Variants in GRIK3 observed in about 807,000 individuals in gnomAD.
GRIK3 encodes the protein glutamate ionotropic receptor kainate type subunit 3, also known as glutamate receptor ionotropic, kainate 3.
GRIK3 carries 29 observed loss-of-function variants against 102.5 expected under a neutral mutation model. The observed-to-expected ratio is 0.28, with a 90% CI of 0.21 to 0.39. The LOEUF (loss-of-function observed/expected upper bound fraction) is 0.39. GRIK3 is among the 10% of genes least tolerant of loss of function. GRIK3 has a pLI of 1.00. For missense variants in GRIK3, 908 were observed against 1,252.4 expected (o/e 0.73, Z 4.15); for synonymous variants, 511 against 504.9 (o/e 1.01, Z -0.16).
intron 10 of GRIK3, among the ~76,000 whole-genome samples, chr1:36,834,059 C>T (rs959923772): frequency 3.9e-5 from 6 of 152,262 alleles, no homozygotes; most frequent in African/African-American, 1.4e-4. Context: ...CAGCCCAGAA[C>T]ACTTGCTCTC....
rs1243982772 is a variant in GRIK3 at position 36,825,714 on chromosome 1, T to C, written c.1643A>G (p.Asn548Ser). ...GGAGAAGACGCTGGGGTTGGTGCCA[T>C]TGGGCTTTCGATACAGGATGCTCAC... The part of the protein sequence containing the change: ...LGVSILYRKP[N>S]GTNPSVFSFL... The change falls in exon 11 of 16, where the codon AAT (asparagine) becomes AGT (serine). Residue 548 changes from asparagine (N) to serine (S), a missense_variant. Asn to Ser is a conservative substitution (Grantham distance 46, BLOSUM62 1). Coordinates refer to ENST00000373091, the MANE Select transcript of GRIK3 (RefSeq NM_000831.4). 2 of 1,613,890 alleles carry C rather than the reference T, an allele frequency of 1.2e-6. No individual in the cohort carries two copies. Among genetic ancestry groups the C allele is most frequent in the Non-Finnish European group, 1.7e-6 (2 of 1,179,902 alleles).
intron 1 of GRIK3, among the ~76,000 whole-genome samples, chr1:36,911,416 G>A (rs1055105723): frequency 6.6e-6 from 1 of 152,162 alleles, no homozygotes; most frequent in African/African-American, 2.4e-5. Flanking sequence ...AGGCTTAAAT[G>A]GCATAAATCA....
intron 6 of GRIK3, 142 bp from the exon 7 acceptor site, chr1:36,859,393 CTG>C (rs936963632): frequency 1.2e-6 from 1 of 858,104 alleles, no homozygotes; most frequent in African/African-American, 1.7e-5. Context: ...GGAGGTGACT[CTG>C]TCTACGCCTC....
At chr1:36,950,896 C>T (rs532350772) in intron 1 of GRIK3, among the ~76,000 whole-genome samples, 14 of 152,232 alleles carry the variant, frequency 9.2e-5, no homozygotes, top group South Asian at 2.1e-4. Context: ...GTTACAGCAA[C>T]GGGGAGCGGA....
intron 8 of GRIK3, 71 bp downstream of exon 8, chr1:36,853,544 T>C: frequency 1.0e-6 from 1 of 1,001,868 alleles, no homozygotes; most frequent in Non-Finnish European, 1.6e-6. Flanking sequence ...GGCCTCTGAC[T>C]GAGGTCTGCC....
intron 1 of GRIK3, among the ~76,000 whole-genome samples, chr1:36,923,411 G>C (rs534746615): frequency 1.3e-5 from 2 of 152,194 alleles, no homozygotes; most frequent in Non-Finnish European, 2.9e-5. Flanking sequence ...GCATCCCCAG[G>C]TCTGACTGGA....
At chr1:37,020,123 C>T (rs1351954671) in intron 1 of GRIK3, among the ~76,000 whole-genome samples, 6 of 152,150 alleles carry the variant, frequency 3.9e-5, no homozygotes, top group Non-Finnish European at 8.8e-5. Flanking sequence ...CTCTCCATAC[C>T]CCAGTGATGG....
Position 36,956,830 on chromosome 1 carries a change from T to G in GRIK3, c.116-65734A>C, listed in dbSNP as rs544882422. ...CTCTACTCTGGCATATTTTGAAAAT[T>G]TGAAAATTTTTCTGAAATAAAACAT... On this transcript the variant is annotated intron_variant, in intron 1 of 15. Coordinates refer to ENST00000373091, the MANE Select transcript of GRIK3 (RefSeq NM_000831.4). 5.2e-5 allele frequency among the ~76,000 whole-genome samples: 8 copies of G among 152,394 alleles called. No homozygotes were observed. In the South Asian group the frequency reaches 1.7e-3, roughly 32 times the overall value.
At chr1:36,958,256 C>G (rs1386594427) in intron 1 of GRIK3, among the ~76,000 whole-genome samples, 8 of 75,208 alleles carry the variant, frequency 1.1e-4, no homozygotes, top group South Asian at 5.5e-4. Flanking sequence ...TGTCCCATGA[C>G]TCTGTGCCCC....
chr1:37,028,581 C>T (rs1642788678), intron 1 of GRIK3, among the ~76,000 whole-genome samples: 1 of 152,180 alleles, frequency 6.6e-6, no homozygotes, highest in Admixed American at 6.5e-5. Flanking sequence ...AGATGGCCAT[C>T]CTCCCAGAGG....
Position 36,859,089 on chromosome 1 carries a change from G to T in GRIK3, c.1104+19C>A. ...CAGTCCCGGGGAGACAACACTGGTGGGGGCTGTGGGGCACTCACCTCCTTG... is the reference window on the plus strand; with the variant it reads ...CAGTCCCGGGGAGACAACACTGGTGTGGGCTGTGGGGCACTCACCTCCTTG... On this transcript the variant is annotated intron_variant, in intron 7 of 15. Coordinates refer to ENST00000373091, the MANE Select transcript of GRIK3 (RefSeq NM_000831.4). 1 of 1,585,836 alleles carries T rather than the reference G, an allele frequency of 6.3e-7. No individual in the cohort carries two copies. The highest frequency in any genetic ancestry group is 1.1e-5 in the South Asian group (1 of 88,134).
chr1:36,955,809 G>A (rs1641899175), intron 1 of GRIK3, among the ~76,000 whole-genome samples: 1 of 152,280 alleles, frequency 6.6e-6, no homozygotes, highest in Admixed American at 6.5e-5. Flanking sequence ...CATCCAGAGT[G>A]TCTGTGGCCT....
intron 10 of GRIK3, among the ~76,000 whole-genome samples, chr1:36,841,346 T>C (rs75894820): frequency 0.012 from 1,795 of 152,264 alleles, 15 homozygotes; most frequent in Admixed American, 0.02. Context: ...AAGAATTTGG[T>C]GAAGTGTCTC....
intron 1 of GRIK3, among the ~76,000 whole-genome samples, chr1:36,992,042 A>G (rs1415731569): frequency 6.6e-6 from 1 of 152,128 alleles, no homozygotes; most frequent in African/African-American, 2.4e-5. Context: ...TTCCCAGGAG[A>G]AAGCCCGACT....
At chr1:36,967,981 A>T (rs1449409665) in intron 1 of GRIK3, among the ~76,000 whole-genome samples, 1 of 152,194 alleles carries the variant, frequency 6.6e-6, no homozygotes, top group Non-Finnish European at 1.5e-5. Context: ...GCCCAGATTC[A>T]GTGCCAGGTC....
At chr1:36,931,446 G>C (rs975630919) in intron 1 of GRIK3, among the ~76,000 whole-genome samples, 1 of 152,134 alleles carries the variant, frequency 6.6e-6, no homozygotes, top group Non-Finnish European at 1.5e-5. Context: ...TGTGAATCCT[G>C]TTTGTTTCCC....
chr1:36,898,981 G>A (rs1305469146), intron 1 of GRIK3, among the ~76,000 whole-genome samples: 1 of 152,126 alleles, frequency 6.6e-6, no homozygotes, highest in Non-Finnish European at 1.5e-5. Flanking sequence ...ATGTCCACAT[G>A]TAAAAGAATG....
At chr1:36,852,290 T>C (rs937890364) in intron 8 of GRIK3, among the ~76,000 whole-genome samples, 2 of 152,176 alleles carry the variant, frequency 1.3e-5, no homozygotes, top group African/African-American at 4.8e-5. Context: ...CTGGAATAAC[T>C]GTGGCCACAG....
intron 3 of GRIK3, among the ~76,000 whole-genome samples, chr1:36,873,335 G>A (rs1042890952): frequency 2.0e-5 from 3 of 152,154 alleles, no homozygotes; most frequent in South Asian, 2.1e-4. Context: ...CTTAATCTGA[G>A]GACTTCCAGG....
Sources: allele counts gnomAD v4.1 joint callset (sites outside exome capture counted in the v4.1 genomes callset), GRCh38; gene constraint gnomAD v4.1.1; transcripts MANE v1.5; gene names NCBI Gene and HGNC (gene_info 2026-07-23, HGNC 2026-07-21).